The following AK5 variants were observed in gnomAD, a reference collection of about 807,000 sequenced individuals.
The protein encoded by AK5 is adenylate kinase isoenzyme 5.
In AK5, 27 loss-of-function variants were observed where a neutral mutation model predicts 69.5. The observed-to-expected ratio is 0.39, with a 90% CI of 0.29 to 0.54. The LOEUF (loss-of-function observed/expected upper bound fraction) is 0.54. Ranked by LOEUF, AK5 falls within the 20% of genes least tolerant of loss-of-function variation. The pLI is 0.71. For missense variants in AK5, 531 were observed against 700.4 expected, an observed-to-expected ratio of 0.76 and a Z score of 2.73; for synonymous variants, 260 against 244.4, an observed-to-expected ratio of 1.06 and a Z score of -0.60.
At chr1:77,492,371 C>T (rs1341980721) in intron 10 of AK5, among the ~76,000 whole-genome samples, 1 of 152,196 alleles carries the variant, frequency 6.6e-6, no homozygotes, top group Non-Finnish European at 1.5e-5. Context: ...TGCTGCCGTG[C>T]ACCACAGGTT....
At chr1:77,489,899 C>T (rs1426822053) in intron 10 of AK5, among the ~76,000 whole-genome samples, 1 of 152,104 alleles carries the variant, frequency 6.6e-6, no homozygotes, top group Non-Finnish European at 1.5e-5. Flanking sequence ...GCTTGTCGCA[C>T]TTTGCCAGCC....
chr1:77,342,611 A>G (rs1027280961), intron 6 of AK5, among the ~76,000 whole-genome samples: 1 of 152,196 alleles, frequency 6.6e-6, no homozygotes, highest in Non-Finnish European at 1.5e-5. Context: ...TCTGGGGAAT[A>G]TAATTTGAAA....
chr1:77,414,222 C>T (rs1402547519), intron 7 of AK5, among the ~76,000 whole-genome samples: 8 of 152,098 alleles, frequency 5.3e-5, no homozygotes, highest in Admixed American at 2.6e-4. Flanking sequence ...GTTTAATTTT[C>T]GTTAAAATTA....
chr1:77,429,695 G>A (rs941985627), intron 8 of AK5, among the ~76,000 whole-genome samples: 28 of 152,104 alleles, frequency 1.8e-4, no homozygotes, highest in African/African-American at 5.1e-4. Flanking sequence ...TCCTGACCTC[G>A]TGATCCGCCC....
intron 6 of AK5, among the ~76,000 whole-genome samples, chr1:77,390,049 T>G (rs1570486495): frequency 6.6e-6 from 1 of 151,942 alleles, no homozygotes; most frequent in Admixed American, 6.6e-5. Flanking sequence ...AATTCAGGAG[T>G]GAGAAGAGGG....
At chr1:77,402,776 A>G (rs1246142520) in intron 6 of AK5, among the ~76,000 whole-genome samples, 2 of 152,060 alleles carry the variant, frequency 1.3e-5, no homozygotes, top group African/African-American at 2.4e-5. Flanking sequence ...GTGTCTTTAT[A>G]GCAGCATGAT....
At chr1:77,525,091 T>A (rs1454489163) in intron 12 of AK5, among the ~76,000 whole-genome samples, 2 of 152,172 alleles carry the variant, frequency 1.3e-5, no homozygotes, top group Non-Finnish European at 2.9e-5. Context: ...GTACTTTTAG[T>A]AGAGACGGAG....
intron 12 of AK5, among the ~76,000 whole-genome samples, chr1:77,531,791 G>A (rs1255764781): frequency 4.0e-5 from 6 of 151,204 alleles, no homozygotes; most frequent in African/African-American, 9.7e-5. Context: ...GGGACTGGGC[G>A]CCGTGGAGCA....
At chr1:77,293,735 T>G in intron 2 of AK5, 58 bp from the exon 3 acceptor site, 5 of 1,421,030 alleles carry the variant, frequency 3.5e-6, no homozygotes, top group Non-Finnish European at 4.8e-6. Context: ...TGTTTAAGTG[T>G]GAAGAGTGTT....
intron 6 of AK5, among the ~76,000 whole-genome samples, chr1:77,357,390 T>A (rs1662591630): frequency 6.6e-6 from 1 of 152,172 alleles, no homozygotes; most frequent in Non-Finnish European, 1.5e-5. Flanking sequence ...TTATAGATAA[T>A]ATATATAAAC....
At chr1:77,400,504 C>T (rs566077179) in intron 6 of AK5, among the ~76,000 whole-genome samples, 15 of 152,194 alleles carry the variant, frequency 9.9e-5, no homozygotes, top group Admixed American at 2.0e-4. Context: ...CAGTAAATGG[C>T]GTTACCTGGT....
intron 5 of AK5, among the ~76,000 whole-genome samples, chr1:77,323,756 TTATG>T (rs1441157371): frequency 9.2e-5 from 14 of 152,186 alleles, no homozygotes; most frequent in African/African-American, 3.4e-4. Context: ...CAGTGTGTGT[TTATG>T]TATGTGTATG....
intron 8 of AK5, among the ~76,000 whole-genome samples, chr1:77,444,644 A>G (rs1403584926): frequency 1.8e-5 from 2 of 108,538 alleles, no homozygotes; most frequent in East Asian, 5.0e-4. Flanking sequence ...TATACTATAT[A>G]TAGTATATAC....
intron 8 of AK5, among the ~76,000 whole-genome samples, chr1:77,463,556 A>C (rs1373212698): frequency 5.4e-5 from 7 of 129,912 alleles, no homozygotes; most frequent in African/African-American, 2.1e-4. Flanking sequence ...AAGACACAAA[A>C]ACCTGTTTAG....
At chr1:77,346,016 GA>G (rs1410056168) in intron 6 of AK5, 4 of 152,148 alleles carry the variant, frequency 2.6e-5, no homozygotes, top group Non-Finnish European at 5.9e-5. Flanking sequence ...CATAAAGTAA[GA>G]TAGAGAAAAG....
At position 77,296,308 on chromosome 1, in the gene AK5, A is replaced by T. The variant is rs192298503; in HGVS notation, c.416-1251A>T. ...TAAAATTTCAGTGAGATGGACCCTA[A>T]TATTTATAAGTTTTAGAGATAAGTG... On this transcript the variant is annotated intron_variant, in intron 3 of 13. Coordinates refer to ENST00000354567, the MANE Select transcript of AK5 (RefSeq NM_174858.3). Among the ~76,000 whole-genome samples the T allele has an allele frequency of 7.2e-5, 11 of 152,218 alleles. No individual in the cohort carries two copies. In the East Asian group the frequency reaches 2.1e-3, roughly 29 times the overall value.
intron 6 of AK5, among the ~76,000 whole-genome samples, chr1:77,383,501 A>C (rs1647795822): frequency 6.6e-6 from 1 of 152,192 alleles, no homozygotes; most frequent in African/African-American, 2.4e-5. Context: ...ATGAAGGAAA[A>C]GAGATGCCAT....
chr1:77,508,664 C>A (rs531293154), intron 10 of AK5, among the ~76,000 whole-genome samples: 47 of 152,084 alleles, frequency 3.1e-4, no homozygotes, highest in African/African-American at 1.1e-3. Flanking sequence ...GTCAGGAGTT[C>A]GAGACCAGCC....
Position 77,286,995 on chromosome 1 carries a change from G to C in AK5, c.115G>C (p.Glu39Gln), listed in dbSNP as rs1424345713. Reference sequence around the variant, plus strand: ...GCCCGAAGATCCAGTAGAATACTTGGAAAGTTGTTTACAAAAAGTAAAGGA... The same window carrying C: ...GCCCGAAGATCCAGTAGAATACTTGCAAAGTTGTTTACAAAAAGTAAAGGA... ...SKPEDPVEYL[E>Q]SCLQKVKELG... Residue 39 changes from glutamate (E) to glutamine (Q), a missense_variant, in exon 2 of 14, where the codon GAA (glutamate) becomes CAA (glutamine). By Grantham distance (29) the Glu-to-Gln change is conservative. Coordinates refer to ENST00000354567, the MANE Select transcript of AK5 (RefSeq NM_174858.3). The C allele has an allele frequency of 1.2e-6, 2 of 1,606,496 alleles. No individual in the cohort carries two copies. The highest frequency in any genetic ancestry group is 1.7e-6 in the Non-Finnish European group (2 of 1,175,876).
Sources: allele counts gnomAD v4.1 joint callset (sites outside exome capture counted in the v4.1 genomes callset), GRCh38; gene constraint gnomAD v4.1.1; transcripts MANE v1.5; gene names NCBI Gene and HGNC (gene_info 2026-07-23, HGNC 2026-07-21).